The following PLPP1 variants were observed in gnomAD, a reference collection of about 807,000 sequenced individuals.
The protein encoded by PLPP1 is lipid phosphate phosphohydrolase 1a.
PLPP1 carries 24 observed loss-of-function variants against 31.2 expected under a neutral mutation model. The observed-to-expected ratio is 0.77, with a 90% CI of 0.56 to 1.08. PLPP1 has a LOEUF of 1.08. Ranked by LOEUF, PLPP1 falls within the 50% of genes least tolerant of loss-of-function variation. The pLI is 0.00. For missense variants in PLPP1, 319 were observed against 342.7 expected (o/e 0.93, Z 0.55); for synonymous variants, 146 against 126.3 (o/e 1.16, Z -1.05).
At chr5:55,523,830 C>G (rs1463531416) in intron 1 of PLPP1, among the ~76,000 whole-genome samples, 1 of 152,160 alleles carries the variant, frequency 6.6e-6, no homozygotes. Flanking sequence ...CCTTAAATCT[C>G]AAGTCCAATA....
At chr5:55,425,376 A>G in intron 5 of PLPP1, 42 bp from the exon 6 acceptor site, 2 of 1,513,684 alleles carry the variant, frequency 1.3e-6, no homozygotes, top group Non-Finnish European at 1.8e-6. Context: ...AGATCAAGTT[A>G]AAAACTACAT....
At chr5:55,473,221 A>C (rs1013675365) in intron 2 of PLPP1, among the ~76,000 whole-genome samples, 1 of 152,186 alleles carries the variant, frequency 6.6e-6, no homozygotes, top group African/African-American at 2.4e-5. Flanking sequence ...CAGTGTAAAG[A>C]TTTGTTTAGA....
intron 1 of PLPP1, among the ~76,000 whole-genome samples, chr5:55,533,439 TGGTA>T (rs1425794168): frequency 6.7e-6 from 1 of 150,156 alleles, no homozygotes; most frequent in Non-Finnish European, 1.5e-5. Context: ...CAACAAAACC[TGGTA>T]ACAGAATTTA....
At chr5:55,505,875 G>A (rs1753263900) in intron 1 of PLPP1, among the ~76,000 whole-genome samples, 1 of 152,172 alleles carries the variant, frequency 6.6e-6, no homozygotes. Flanking sequence ...TGGCCAACAT[G>A]GCAAAACTCC....
intron 2 of PLPP1, among the ~76,000 whole-genome samples, chr5:55,473,369 G>A (rs1752463282): frequency 6.6e-6 from 1 of 152,088 alleles, no homozygotes; most frequent in African/African-American, 2.4e-5. Flanking sequence ...GCCAGGCAGT[G>A]GACACAAGGA....
At chr5:55,501,710 G>A (rs933347666) in intron 1 of PLPP1, among the ~76,000 whole-genome samples, 1 of 152,120 alleles carries the variant, frequency 6.6e-6, no homozygotes. Context: ...CTCCATGTTG[G>A]CCAGGCTGGT....
chr5:55,475,409 A>T lies in PLPP1; in HGVS notation c.100T>A (p.Phe34Ile). 1.2e-6 allele frequency: 2 copies of T among 1,612,866 alleles called. No individual in the cohort carries two copies. Among genetic ancestry groups the T allele is most frequent in the Non-Finnish European group, 1.7e-6 (2 of 1,179,368 alleles). The part of the protein sequence containing the change: ...FAILTSRHTP[F>I]QRGVFCNDES... ...TCATTACAGAATACTCCTCGTTGGAAGGGGGTATGCCTTGAAGTAAGAATT... is the reference window on the plus strand; with the variant it reads ...TCATTACAGAATACTCCTCGTTGGATGGGGGTATGCCTTGAAGTAAGAATT... The change falls in exon 2 of 6, where the codon TTC becomes ATC. Residue 34 changes from phenylalanine (F) to isoleucine (I), a missense_variant. Phe to Ile is a conservative substitution (Grantham distance 21). Transcript: ENST00000307259.
At chr5:55,450,814 T>C (rs1406379704) in intron 3 of PLPP1, among the ~76,000 whole-genome samples, 1 of 152,218 alleles carries the variant, frequency 6.6e-6, no homozygotes, top group Non-Finnish European at 1.5e-5. Flanking sequence ...TGCAGGCAAC[T>C]GTAACACCTT....
rs144565547 is a variant in PLPP1 at position 55,507,737 on chromosome 5, C to G, written c.58+26835G>C. ...TGAGACCGAGAGCCCTCTGGGTTCA[C>G]CTGGTCTTAGTGAATCCAGCAGGCT... On this transcript the variant is annotated intron_variant, in intron 1 of 5. Transcript: ENST00000307259. 1.3e-3 allele frequency among the ~76,000 whole-genome samples: 196 copies of G among 152,252 alleles called. 2 individuals are homozygous for G. In the Middle Eastern group the frequency reaches 0.024, roughly 18 times the overall value.
intron 1 of PLPP1, among the ~76,000 whole-genome samples, chr5:55,486,374 CAGGAGTTCA>C: frequency 6.6e-6 from 1 of 151,980 alleles, no homozygotes; most frequent in African/African-American, 2.4e-5. Context: ...TGCTTGAGGT[CAGGAGTTCA>C]AGACCAGCCT....
chr5:55,526,749 G>A (rs981599652), intron 1 of PLPP1, among the ~76,000 whole-genome samples: 9 of 151,880 alleles, frequency 5.9e-5, no homozygotes, highest in African/African-American at 2.2e-4. Flanking sequence ...TGGCTAACAC[G>A]GTGAAACCCT....
At chr5:55,506,244 C>A (rs1753274735) in intron 1 of PLPP1, among the ~76,000 whole-genome samples, 1 of 129,820 alleles carries the variant, frequency 7.7e-6, no homozygotes, top group African/African-American at 2.9e-5. Flanking sequence ...TAAAAGAAGA[C>A]ACAAATACAG....
intron 1 of PLPP1, among the ~76,000 whole-genome samples, chr5:55,527,269 G>T (rs1308957424): frequency 6.6e-6 from 1 of 152,152 alleles, no homozygotes; most frequent in Non-Finnish European, 1.5e-5. Flanking sequence ...CAGCATTATG[G>T]TAATAAGAAA....
At chr5:55,504,916 T>A (rs1473797231) in intron 1 of PLPP1, among the ~76,000 whole-genome samples, 1 of 150,564 alleles carries the variant, frequency 6.6e-6, no homozygotes, top group African/African-American at 2.4e-5. Flanking sequence ...GCTCAGGTAA[T>A]CCTCCCACCA....
intron 1 of PLPP1, among the ~76,000 whole-genome samples, chr5:55,506,605 A>G (rs966431940): frequency 3.3e-5 from 5 of 152,342 alleles, no homozygotes; most frequent in African/African-American, 1.2e-4. Flanking sequence ...TAAGAAAAAT[A>G]AACAGTGTGG....
Position 55,425,850 on chromosome 5 carries a change from C to G in PLPP1, c.726+13G>C. On this transcript the variant is annotated intron_variant, in intron 5 of 5. Coordinates refer to ENST00000307259, the MANE Select transcript of PLPP1 (RefSeq NM_003711.4). ...GCAATATCAAGATGTAGGCTGTTGA[C>G]CTGTATACTTACAACTAATATTGCA... 1.3e-6 allele frequency: 2 copies of G among 1,581,138 alleles called. No individual in the cohort carries two copies. The highest frequency in any genetic ancestry group is 2.2e-5 in the East Asian group (1 of 44,452).
At chr5:55,444,975 C>G (rs1052156631) in intron 3 of PLPP1, among the ~76,000 whole-genome samples, 1 of 152,158 alleles carries the variant, frequency 6.6e-6, no homozygotes, top group Admixed American at 6.5e-5. Flanking sequence ...GTCTTGAACT[C>G]CTGACCTCAG....
chr5:55,503,902 G>C (rs1458648469), intron 1 of PLPP1, among the ~76,000 whole-genome samples: 5 of 46,838 alleles, frequency 1.1e-4, no homozygotes, highest in Admixed American at 1.8e-4. Context: ...AGGAAGTAGA[G>C]GGGGGAGGAA....
intron 4 of PLPP1, among the ~76,000 whole-genome samples, chr5:55,435,694 T>A (rs1252888921): frequency 6.6e-6 from 1 of 152,000 alleles, no homozygotes; most frequent in African/African-American, 2.4e-5. Flanking sequence ...AAATGAAGAT[T>A]AATAGGAAAA....
Sources: gnomAD v4.1 joint callset for allele counts (sites outside exome capture counted in the v4.1 genomes callset) on GRCh38, gnomAD v4.1.1 for gene constraint, MANE v1.5 for transcripts, NCBI Gene and HGNC (gene_info 2026-07-23, HGNC 2026-07-21) for gene names.